The following RAB38 variants were observed in gnomAD, a reference collection of about 807,000 sequenced individuals.
RAB38 encodes the protein RAB38, member RAS oncogene family, also known as ras-related protein Rab-38.
A neutral mutation model predicts 18.4 loss-of-function variants in RAB38; 15 were observed. The observed-to-expected ratio is 0.82, with a 90% confidence interval of 0.55 to 1.26. RAB38 has a LOEUF of 1.26. Among genes scored for constraint, RAB38 ranks in the 50% most tolerant of loss-of-function variants. The pLI is 0.00. For synonymous variants in RAB38, 101 were observed against 104.4 expected, an observed-to-expected ratio of 0.97 and a Z score of 0.20; for missense variants, 294 against 267.4, an observed-to-expected ratio of 1.10 and a Z score of -0.69.
the RAB38 span, among the ~76,000 whole-genome samples, chr11:87,865,204 A>T: frequency 6.6e-6 from 1 of 151,772 alleles, no homozygotes; most frequent in East Asian, 1.9e-4. Flanking sequence ...CCATATACTC[A>T]TGCCTGGAAC....
the RAB38 span, among the ~76,000 whole-genome samples, chr11:87,855,938 A>G: frequency 1.3e-5 from 2 of 152,184 alleles, no homozygotes; most frequent in Non-Finnish European, 2.9e-5. Flanking sequence ...TCTTGGGGGT[A>G]CAACACTCAC....
chr11:87,869,735 T>C, the RAB38 span, among the ~76,000 whole-genome samples: 2 of 151,506 alleles, frequency 1.3e-5, no homozygotes, highest in Non-Finnish European at 3.0e-5. Context: ...TTTTCTTCAG[T>C]TGGAGACATC....
At chr11:88,139,659 G>A (rs1942881564) in intron 2 of RAB38, among the ~76,000 whole-genome samples, 1 of 152,030 alleles carries the variant, frequency 6.6e-6, no homozygotes, top group South Asian at 2.1e-4. Flanking sequence ...TCTTAACCAG[G>A]GTGCAAGTAA....
chr11:88,022,709 A>G, the RAB38 span, among the ~76,000 whole-genome samples: 2 of 150,638 alleles, frequency 1.3e-5, no homozygotes, highest in Non-Finnish European at 2.9e-5. Context: ...ATCTCCCTGC[A>G]AAGAACATGA....
At chr11:88,021,944 C>T in the RAB38 span, among the ~76,000 whole-genome samples, 1 of 151,094 alleles carries the variant, frequency 6.6e-6, no homozygotes, top group African/African-American at 2.4e-5. Context: ...ACTGGGATTA[C>T]AGGCATGAGC....
the RAB38 span, among the ~76,000 whole-genome samples, chr11:87,822,435 G>A: frequency 1.3e-5 from 2 of 152,154 alleles, no homozygotes; most frequent in Admixed American, 6.5e-5. Context: ...TTTGCAGATG[G>A]TTCTTGGTCA....
the RAB38 span, among the ~76,000 whole-genome samples, chr11:87,874,589 G>A: frequency 1.3e-5 from 2 of 151,060 alleles, no homozygotes; most frequent in Admixed American, 6.6e-5. Context: ...CATGGCATAT[G>A]TATACATATG....
the RAB38 span, among the ~76,000 whole-genome samples, chr11:88,022,611 CAAAA>C: frequency 9.6e-5 from 5 of 52,092 alleles, no homozygotes; most frequent in South Asian, 1.0e-3. Context: ...AAAGACCCCA[CAAAA>C]AAAAAAAAAA....
chr11:87,847,578 A>G, the RAB38 span, among the ~76,000 whole-genome samples: 6 of 152,110 alleles, frequency 3.9e-5, no homozygotes, highest in Admixed American at 1.3e-4. Context: ...ATTGACTTCT[A>G]TGAATATGCT....
intron 2 of RAB38, among the ~76,000 whole-genome samples, chr11:88,121,407 G>C (rs1942627107): frequency 6.6e-6 from 1 of 152,184 alleles, no homozygotes; most frequent in African/African-American, 2.4e-5. Flanking sequence ...CAGGGGTATA[G>C]AGAAATTAAA....
the RAB38 span, among the ~76,000 whole-genome samples, chr11:87,895,868 A>G: frequency 1.3e-5 from 2 of 151,648 alleles, no homozygotes; most frequent in African/African-American, 2.4e-5. Flanking sequence ...GATGAGTGCT[A>G]TAGAGGAGGA....
At chr11:88,015,421 T>C in the RAB38 span, among the ~76,000 whole-genome samples, 1 of 152,142 alleles carries the variant, frequency 6.6e-6, no homozygotes, top group African/African-American at 2.4e-5. Flanking sequence ...GTTTTCTGAA[T>C]CTGTCTTGGT....
At chr11:88,062,161 T>C in the RAB38 span, 1 of 152,218 alleles carries the variant, frequency 6.6e-6, no homozygotes, top group Non-Finnish European at 1.5e-5. Flanking sequence ...TAAATTCTAA[T>C]CCCTGTAATC....
chr11:87,911,288 C>A, the RAB38 span, among the ~76,000 whole-genome samples: 1 of 151,908 alleles, frequency 6.6e-6, no homozygotes, highest in African/African-American at 2.4e-5. Context: ...TATTAATTTT[C>A]GATTCAACTT....
chr11:87,876,120 A>G, the RAB38 span, among the ~76,000 whole-genome samples: 45 of 151,704 alleles, frequency 3.0e-4, no homozygotes, highest in African/African-American at 1.0e-3. Flanking sequence ...TAATATTTCA[A>G]TATAGATCTC....
chr11:88,071,388 T>G, the RAB38 span, among the ~76,000 whole-genome samples: 1 of 152,108 alleles, frequency 6.6e-6, no homozygotes, highest in African/African-American at 2.4e-5. Context: ...CAAGATCTAC[T>G]GTTTCTGGGA....
the RAB38 span, among the ~76,000 whole-genome samples, chr11:88,085,157 A>T: frequency 6.6e-6 from 1 of 152,046 alleles, no homozygotes. Context: ...TTACAGGAGC[A>T]ATGATGCTCT....
the RAB38 span, among the ~76,000 whole-genome samples, chr11:88,030,302 C>T: frequency 6.6e-6 from 1 of 152,150 alleles, no homozygotes; most frequent in Admixed American, 6.5e-5. Context: ...GTCAACCTAA[C>T]ATCACAATTA....
At chr11:88,157,503 C>T (rs576819738) in intron 1 of RAB38, among the ~76,000 whole-genome samples, 40 of 152,294 alleles carry the variant, frequency 2.6e-4, no homozygotes, top group African/African-American at 9.6e-4. Context: ...ACCTAACAGA[C>T]ATCTACGGAA....
Sources: gnomAD v4.1 joint callset for allele counts (sites outside exome capture counted in the v4.1 genomes callset) on GRCh38, gnomAD v4.1.1 for gene constraint, MANE v1.5 for transcripts, NCBI Gene and HGNC (gene_info 2026-07-23, HGNC 2026-07-21) for gene names.